Variants in LRRC49 observed in about 807,000 individuals in gnomAD.
LRRC49 encodes the protein leucine-rich repeat-containing protein 49.
Under a neutral mutation model 83.3 loss-of-function variants are expected in LRRC49, and 50 were observed. That is an observed-to-expected ratio of 0.60 (90% CI 0.48 to 0.76). The LOEUF is 0.76. LRRC49 is among the 30% of genes least tolerant of loss of function. The pLI is 0.00. For synonymous variants in LRRC49, 286 were observed against 283.3 expected (o/e 1.01, Z -0.10); for missense variants, 704 against 809.1 (o/e 0.87, Z 1.58).
At chr15:70,982,157 A>G (rs2037424707) in intron 10 of LRRC49, among the ~76,000 whole-genome samples, 1 of 152,164 alleles carries the variant, frequency 6.6e-6, no homozygotes, top group Admixed American at 6.6e-5. Flanking sequence ...TTATAAATTT[A>G]ACATACTCAG....
intron 14 of LRRC49, among the ~76,000 whole-genome samples, chr15:71,035,207 C>T (rs2039481436): frequency 6.6e-6 from 1 of 151,690 alleles, no homozygotes; most frequent in Non-Finnish European, 1.5e-5. Flanking sequence ...TTTAATGATA[C>T]AGAAAATACT....
chr15:70,909,615 C>T (rs535403516), intron 5 of LRRC49, among the ~76,000 whole-genome samples: 4 of 152,112 alleles, frequency 2.6e-5, no homozygotes, highest in South Asian at 2.1e-4. Context: ...GTGAGGCAGG[C>T]GGATCACCAC....
Position 70,859,787 on chromosome 15 carries a change from T to C in LRRC49, c.-299+6318T>C, listed in dbSNP as rs2032742147. On this transcript the variant is annotated intron_variant, in intron 1 of 16. Coordinates refer to the LRRC49 transcript ENST00000544974. ...CGCCAAGCTGTCCGAGCTGGAGGCC[T>C]CTCTGCAATGGGCCAGGCAGGATAT... The C allele has an allele frequency of 4.0e-6, 3 of 745,168 alleles. 1 individual carries two copies. Among genetic ancestry groups the C allele is most frequent in the Middle Eastern group, 5.9e-4 (2 of 3,414 alleles). 46.2% of individuals were successfully genotyped at this position (745,168 alleles called of 1,614,324 possible). A position where few individuals can be genotyped will look rare whatever the true frequency, so the allele number is the denominator to read the frequency against.
chr15:70,928,764 C>T (rs1478660110), intron 7 of LRRC49, among the ~76,000 whole-genome samples: 2 of 152,050 alleles, frequency 1.3e-5, no homozygotes, highest in Non-Finnish European at 2.9e-5. Flanking sequence ...GGGGTTTCAC[C>T]ACATTGGTCA....
At chr15:70,876,070 G>C (rs150664196) in intron 2 of LRRC49, among the ~76,000 whole-genome samples, 2 of 152,080 alleles carry the variant, frequency 1.3e-5, no homozygotes, top group East Asian at 3.9e-4. Flanking sequence ...TCTCATTTTC[G>C]ATCACTTTTG....
intron 2 of LRRC49, among the ~76,000 whole-genome samples, chr15:70,884,944 A>G (rs745920054): frequency 3.3e-5 from 5 of 152,188 alleles, no homozygotes; most frequent in Non-Finnish European, 7.4e-5. Flanking sequence ...CTGAGATAAT[A>G]TAATGCTTTA....
chr15:71,039,088 A>T (rs954395768), intron 15 of LRRC49, among the ~76,000 whole-genome samples: 7 of 152,170 alleles, frequency 4.6e-5, no homozygotes, highest in African/African-American at 1.7e-4. Flanking sequence ...TTAAAAGATA[A>T]AATATAGCTA....
At chr15:70,974,623 G>A (rs1308390041) in intron 9 of LRRC49, among the ~76,000 whole-genome samples, 3 of 151,828 alleles carry the variant, frequency 2.0e-5, no homozygotes, top group African/African-American at 7.3e-5. Flanking sequence ...CTAGAACAGG[G>A]TTTGGCAAAC....
At chr15:70,894,643 T>C in intron 2 of LRRC49, 1 of 1,286,010 alleles carries the variant, frequency 7.8e-7, no homozygotes, top group Non-Finnish European at 1.0e-6. Context: ...TTGACCAAGT[T>C]GGAAACCTCT....
At chr15:70,978,842 C>T (rs1426444191) in intron 9 of LRRC49, among the ~76,000 whole-genome samples, 1 of 152,026 alleles carries the variant, frequency 6.6e-6, no homozygotes, top group African/African-American at 2.4e-5. Context: ...ATATAGAAAA[C>T]ATTCTCATCC....
intron 7 of LRRC49, among the ~76,000 whole-genome samples, chr15:70,920,338 A>G (rs1470037173): frequency 6.6e-6 from 1 of 152,240 alleles, no homozygotes; most frequent in African/African-American, 2.4e-5. Flanking sequence ...CTAGAAGGTT[A>G]GAATAATTTT....
At chr15:70,982,106 A>G (rs1480190544) in intron 10 of LRRC49, among the ~76,000 whole-genome samples, 1 of 152,064 alleles carries the variant, frequency 6.6e-6, no homozygotes, top group African/African-American at 2.4e-5. Flanking sequence ...TAACTTTTGC[A>G]CTAATATAGG....
rs1000898454 is a variant in LRRC49, at chr15:71,052,419, CAA to C, written c.*2808_*2809del. 1 of 152,164 alleles carries C rather than the reference CAA, an allele frequency of 6.6e-6. No individual in the cohort carries two copies. The highest frequency in any genetic ancestry group is 6.5e-5 in the Admixed American group (1 of 15,276). 9.4% of individuals were successfully genotyped at this position (152,164 alleles called of 1,614,324 possible). A position where few individuals can be genotyped will look rare whatever the true frequency, so the allele number is the denominator to read the frequency against. The stretch of plus-strand genomic sequence containing the variant: ...TGCTGCTACACCTGAGGATGGTTAC[CAA>C]GTGTGCAGGTGGACCTGAGGCTTGT... On this transcript the variant is annotated 3_prime_UTR_variant, in exon 16 of 16. Transcript: ENST00000260382.
At chr15:70,987,676 A>G (rs1385289309) in intron 11 of LRRC49, among the ~76,000 whole-genome samples, 1 of 152,048 alleles carries the variant, frequency 6.6e-6, no homozygotes, top group Non-Finnish European at 1.5e-5. Flanking sequence ...GCCTTCTACT[A>G]GCTTTTGAAT....
At chr15:71,034,118 A>C (rs1307045430) in intron 14 of LRRC49, among the ~76,000 whole-genome samples, 1 of 152,128 alleles carries the variant, frequency 6.6e-6, no homozygotes, top group Non-Finnish European at 1.5e-5. Context: ...AATGGGAGAA[A>C]ATTTTTGCAA....
chr15:70,912,033 A>C (rs1194442440), intron 6 of LRRC49, among the ~76,000 whole-genome samples: 2 of 152,084 alleles, frequency 1.3e-5, no homozygotes, highest in Non-Finnish European at 2.9e-5. Flanking sequence ...GTGTCTTAAT[A>C]ATATATCCTT....
chr15:70,886,149 T>G (rs952480307), intron 2 of LRRC49, among the ~76,000 whole-genome samples: 9 of 152,190 alleles, frequency 5.9e-5, no homozygotes, highest in African/African-American at 2.2e-4. Context: ...ACTGCATACC[T>G]AAAACTTGTA....
intron 11 of LRRC49, among the ~76,000 whole-genome samples, chr15:70,998,055 C>T (rs2415101): frequency 0.81 from 122,730 of 152,118 alleles, 49,855 homozygotes; most frequent in Admixed American, 0.86. Flanking sequence ...TTAATACCAA[C>T]CTAGTTGTAA....
chr15:70,989,793 G>A (rs2037789221), intron 11 of LRRC49, among the ~76,000 whole-genome samples: 1 of 152,108 alleles, frequency 6.6e-6, no homozygotes, highest in Non-Finnish European at 1.5e-5. Flanking sequence ...TGATGGTGAT[G>A]TACAGATGGG....
Sources: allele counts gnomAD v4.1 joint callset (sites outside exome capture counted in the v4.1 genomes callset), GRCh38; gene constraint gnomAD v4.1.1; transcripts MANE v1.5; gene names NCBI Gene and HGNC (gene_info 2026-07-23, HGNC 2026-07-21).